SLC6A11: variants seen among roughly 807,000 people sequenced by gnomAD.
SLC6A11 encodes sodium- and chloride-dependent GABA transporter 3.
Under a neutral mutation model 74.8 loss-of-function variants are expected in SLC6A11, and 25 were observed. That is an observed-to-expected ratio of 0.33 (90% CI 0.24 to 0.47). SLC6A11 has a LOEUF of 0.47. Among genes scored for constraint, SLC6A11 ranks in the 20% least tolerant of loss-of-function variants. The probability of loss-of-function intolerance (pLI) is 1.00; values close to 1 mark genes in which losing one functional copy is unlikely to be tolerated. For missense variants in SLC6A11, 574 were observed against 837.0 expected (o/e 0.69, Z 3.88); for synonymous variants, 330 against 330.2 (o/e 1.00, Z 0.01).
At chr3:10,894,021 G>A (rs182762735) in intron 6 of SLC6A11, among the ~76,000 whole-genome samples, 206 of 152,222 alleles carry the variant, frequency 1.4e-3, no homozygotes, top group African/African-American at 4.8e-3. Context: ...GCTTTGCCCC[G>A]AAGCCAAGGC....
intron 4 of SLC6A11, among the ~76,000 whole-genome samples, chr3:10,835,887 G>T (rs74552306): frequency 0.046 from 6,989 of 152,248 alleles, 247 homozygotes; most frequent in South Asian, 0.13. Context: ...GTTTATTGTA[G>T]TTTACATGCC....
In SLC6A11 at chr3:10,926,182, C is replaced by T; in HGVS notation, c.1233+66C>T. ...GCCTGGGCCAGGAGGCCAGACGCCA[C>T]CCTTAGGAGTGGCTCCCCAGGCCCA... On this transcript the variant is annotated intron_variant, in intron 9 of 13. Transcript: ENST00000254488. The surrounding 1 kb of genome is among the most constrained non-coding windows in gnomAD (Gnocchi z 5.7). 3 of 1,063,114 alleles carry T rather than the reference C, an allele frequency of 2.8e-6. No homozygotes were observed. Among genetic ancestry groups the T allele is most frequent in the South Asian group, 1.4e-5 (1 of 71,104 alleles). 65.9% of individuals were successfully genotyped at this position (1,063,114 alleles called of 1,614,324 possible).
intron 7 of SLC6A11, among the ~76,000 whole-genome samples, chr3:10,916,257 A>G (rs1695452734): frequency 6.6e-6 from 1 of 152,214 alleles, no homozygotes; most frequent in African/African-American, 2.4e-5. Flanking sequence ...CTTGCAGATA[A>G]AGTCCCCACT....
chr3:10,931,582 A>G (rs997368833), intron 10 of SLC6A11, among the ~76,000 whole-genome samples: 4 of 152,204 alleles, frequency 2.6e-5, no homozygotes, highest in African/African-American at 4.8e-5. Context: ...TTTTTTAAAA[A>G]CACGAAGTTG....
intron 6 of SLC6A11, among the ~76,000 whole-genome samples, chr3:10,900,298 T>C (rs1240137619): frequency 6.6e-6 from 1 of 152,146 alleles, no homozygotes; most frequent in Non-Finnish European, 1.5e-5. Context: ...ACTCCTTTCC[T>C]GTGTGCTGGA....
At chr3:10,898,954 T>C (rs1695203966) in intron 6 of SLC6A11, among the ~76,000 whole-genome samples, 1 of 151,988 alleles carries the variant, frequency 6.6e-6, no homozygotes, top group Admixed American at 6.6e-5. Flanking sequence ...TGGCAGAAAA[T>C]GAAAGGCATG....
At position 10,934,393 on chromosome 3, in the gene SLC6A11, C is replaced by T. The variant is rs569322502; in HGVS notation, c.1575+227C>T. On this transcript the variant is annotated intron_variant, in intron 12 of 13. Transcript: ENST00000254488. The stretch of plus-strand genomic sequence containing the variant: ...TGTTGCTGTGTGACTAGGAGCACAG[C>T]GCCTCCCTTCTCAGGACGTCAGGTG... Among the ~76,000 whole-genome samples the T allele has an allele frequency of 5.9e-5, 9 of 152,284 alleles. No individual in the cohort carries two copies. In the East Asian group the frequency reaches 7.7e-4, roughly 13 times the overall value.
chr3:10,827,308 C>T (rs553891804), intron 4 of SLC6A11, among the ~76,000 whole-genome samples: 1 of 152,304 alleles, frequency 6.6e-6, no homozygotes, highest in South Asian at 2.1e-4. Context: ...CCCCAGTGTA[C>T]TCCACCCCCT....
intron 5 of SLC6A11, among the ~76,000 whole-genome samples, chr3:10,872,977 G>T (rs932321684): frequency 4.6e-5 from 7 of 152,154 alleles, no homozygotes; most frequent in Non-Finnish European, 1.0e-4. Context: ...GACGGAGGAG[G>T]CAGGCCCCAC....
intron 4 of SLC6A11, among the ~76,000 whole-genome samples, chr3:10,827,421 A>G (rs1337611269): frequency 6.6e-6 from 1 of 152,206 alleles, no homozygotes; most frequent in Non-Finnish European, 1.5e-5. Context: ...TTGACAGAGC[A>G]TACCTAATTC....
In SLC6A11 at chr3:10,932,961, A is replaced by C. The variant is rs189292349; in HGVS notation, c.1372-190A>C. On this transcript the variant is annotated intron_variant, in intron 10 of 13. Transcript: ENST00000254488. Reference sequence around the variant, plus strand: ...CATCTGCGGTCCCAGCAGCCCCCAAAGGACAGGGAATTAGGGGGCTCCCAG... The same window carrying C: ...CATCTGCGGTCCCAGCAGCCCCCAACGGACAGGGAATTAGGGGGCTCCCAG... Among the ~76,000 whole-genome samples, 72 of 152,214 alleles carry C rather than the reference A, an allele frequency of 4.7e-4. No homozygotes were observed. The East Asian group carries it at 0.011, about 23-fold the overall frequency.
chr3:10,868,832 G>A (rs1268101805), intron 5 of SLC6A11, among the ~76,000 whole-genome samples: 1 of 152,210 alleles, frequency 6.6e-6, no homozygotes, highest in Non-Finnish European at 1.5e-5. Flanking sequence ...ACTTTGTTAG[G>A]AAGCACCTTG....
At chr3:10,834,069 G>A (rs1694334016) in intron 4 of SLC6A11, among the ~76,000 whole-genome samples, 2 of 152,186 alleles carry the variant, frequency 1.3e-5, no homozygotes, top group Non-Finnish European at 2.9e-5. Context: ...TCCACCCAGG[G>A]GATAGATGAT....
At position 10,939,745 on chromosome 3, in the gene SLC6A11, A is replaced by G. The variant is rs1000084600; in HGVS notation, c.*1343A>G. 3 of 152,076 alleles carry G rather than the reference A, an allele frequency of 2.0e-5. No homozygotes were observed. The highest frequency in any genetic ancestry group is 6.5e-5 in the Admixed American group (1 of 15,268). 9.4% of individuals were successfully genotyped at this position (152,076 alleles called of 1,614,324 possible). A position where few individuals can be genotyped will look rare whatever the true frequency, so the allele number is the denominator to read the frequency against. On this transcript the variant is annotated 3_prime_UTR_variant, in exon 14 of 14. Coordinates refer to ENST00000254488, the MANE Select transcript of SLC6A11 (RefSeq NM_014229.3). Reference sequence around the variant, plus strand: ...TTGGCAGACAGAAGTCTCAGCTCTCACTAGAGGGAAGACCTGGGCATCCTG... The same window carrying G: ...TTGGCAGACAGAAGTCTCAGCTCTCGCTAGAGGGAAGACCTGGGCATCCTG...
rs80348632 is a variant in SLC6A11, at chr3:10,903,501, G to A, written c.892-8589G>A. Among the ~76,000 whole-genome samples the A allele has an allele frequency of 3.0e-3, 464 of 152,242 alleles. 4 individuals are homozygous for A. The highest frequency in any genetic ancestry group is 0.011 in the African/African-American group (439 of 41,538). On this transcript the variant is annotated intron_variant, in intron 6 of 13. Transcript: ENST00000254488. Reference sequence around the variant, plus strand: ...CCTTTGCTTGTTGTCTGTGTCTCCCGCTAAAGTGTAAGCTCCTTAAGGGTA... The same window carrying A: ...CCTTTGCTTGTTGTCTGTGTCTCCCACTAAAGTGTAAGCTCCTTAAGGGTA...
chr3:10,877,452 A>G (rs1011695691), intron 6 of SLC6A11, among the ~76,000 whole-genome samples: 1 of 152,194 alleles, frequency 6.6e-6, no homozygotes, highest in Non-Finnish European at 1.5e-5. Context: ...CAGCAAGGAA[A>G]TGCAGCAGCA....
At position 10,873,986 on chromosome 3, in the gene SLC6A11, C is replaced by T. The variant is rs13086759; in HGVS notation, c.757-975C>T. Among the ~76,000 whole-genome samples the T allele has an allele frequency of 4.9e-4, 58 of 117,286 alleles. 1 individual carries two copies. The highest frequency in any genetic ancestry group is 1.5e-3 in the Admixed American group (19 of 12,638). The allele number at this position is 117,286 out of a possible 152,430, so 76.9% of individuals were successfully genotyped here. On this transcript the variant is annotated intron_variant, in intron 5 of 13. Transcript: ENST00000254488. ...CGCTATGCTATGCTACGCTACGCTA[C>T]GCTACGCTATGCTATGCTATGCTAT...
At chr3:10,874,414 G>T (rs1694883617) in intron 5 of SLC6A11, among the ~76,000 whole-genome samples, 1 of 152,062 alleles carries the variant, frequency 6.6e-6, no homozygotes, top group Non-Finnish European at 1.5e-5. Flanking sequence ...GCCGTGTTAG[G>T]GGTTACTTCT....
chr3:10,835,844 G>C (rs1020287914), intron 4 of SLC6A11, among the ~76,000 whole-genome samples: 1 of 152,218 alleles, frequency 6.6e-6, no homozygotes, highest in Non-Finnish European at 1.5e-5. Flanking sequence ...AGGGTTGGGA[G>C]GGGGGAGCCC....
Sources: allele counts gnomAD v4.1 joint callset (sites outside exome capture counted in the v4.1 genomes callset), GRCh38; gene constraint gnomAD v4.1.1; non-coding constraint Gnocchi (gnomAD v3.1); transcripts MANE v1.5; gene names NCBI Gene and HGNC (gene_info 2026-07-23, HGNC 2026-07-21).